E2F8: variants seen among roughly 807,000 people sequenced by gnomAD.
The protein encoded by E2F8 is E2F transcription factor 8.
A neutral mutation model predicts 80.8 loss-of-function variants in E2F8; 35 were observed. The ratio of observed to expected loss-of-function variants is 0.43; its 90% CI spans 0.33 to 0.57. The LOEUF (loss-of-function observed/expected upper bound fraction) is 0.57. Among genes scored for constraint, E2F8 ranks in the 20% least tolerant of loss-of-function variants. E2F8 has a pLI of 0.04. For missense variants in E2F8, 975 were observed against 1,056.2 expected (o/e 0.92, Z 1.07); for synonymous variants, 386 against 395.0 (o/e 0.98, Z 0.27).
At chr11:19,227,290 T>C (rs1203212376) in intron 10 of E2F8, among the ~76,000 whole-genome samples, 3 of 152,176 alleles carry the variant, frequency 2.0e-5, no homozygotes, top group African/African-American at 7.2e-5. Context: ...AAATCTCTAC[T>C]AGTAGGTGCC....
intron 7 of E2F8, among the ~76,000 whole-genome samples, chr11:19,231,514 T>C (rs527270214): frequency 9.8e-5 from 15 of 152,348 alleles, no homozygotes; most frequent in African/African-American, 3.4e-4. Context: ...AGTTTCCCTC[T>C]GTCTTCATGG....
chr11:19,232,643 C>T (rs1203767157), intron 6 of E2F8, among the ~76,000 whole-genome samples: 1 of 152,182 alleles, frequency 6.6e-6, no homozygotes, highest in Non-Finnish European at 1.5e-5. Context: ...TGAGATCACC[C>T]TATCTGAAAC....
At position 19,225,238 on chromosome 11, in the gene E2F8, C is replaced by T; in HGVS notation, c.2404G>A (p.Val802Met). The T allele has an allele frequency of 2.5e-6, 4 of 1,613,538 alleles. No homozygotes were observed. The highest frequency in any genetic ancestry group is 3.4e-6 in the Non-Finnish European group (4 of 1,179,986). ...CCTCTCACCTGTTGTGCCCCTGTCA[C>T]AGCAACTGATTGTCCATTTGGCTGG... ...QSQPNGQSVAVTGAQQPVPVT... is the reference protein window; with the variant it reads ...QSQPNGQSVAMTGAQQPVPVT... Residue 802 changes from valine to methionine, a missense_variant, in exon 12 of 13, where the codon GTG becomes ATG. Coordinates refer to ENST00000250024, the MANE Select transcript of E2F8 (RefSeq NM_024680.4).
In E2F8 at chr11:19,225,365, A is replaced by C. The variant is rs761775553; in HGVS notation, c.2277T>G (p.Val759=). Residue 759 remains valine (V), a synonymous_variant, in exon 12 of 13, where the codon GTT becomes GTG. Transcript: ENST00000250024. Reference sequence around the variant, plus strand: ...CAGACTCTATTCTTGGAGACACAGGAACGATTCCAGACCCAGGGCTGGCAG... The same window carrying C: ...CAGACTCTATTCTTGGAGACACAGGCACGATTCCAGACCCAGGGCTGGCAG... ...QLSASPGSGI[V]PVSPRIESVN... 1 of 1,614,122 alleles carries C rather than the reference A, an allele frequency of 6.2e-7. No individual in the cohort carries two copies. Among genetic ancestry groups the C allele is most frequent in the Non-Finnish European group, 8.5e-7 (1 of 1,180,022 alleles).
rs748168775 is a variant in E2F8 at position 19,238,011 on chromosome 11, G to A, written c.137C>T (p.Thr46Ile). The change falls in exon 3 of 13, where the codon ACC becomes ATC. Residue 46 changes from threonine to isoleucine, a missense_variant. Thr to Ile is a moderately conservative substitution (Grantham distance 89). Coordinates refer to ENST00000250024, the MANE Select transcript of E2F8 (RefSeq NM_024680.4). ...QPDFGPLTTP[T>I]KPKEGSQGEP... ...TCCCTGAGAGCCTTCCTTGGGCTTG[G>A]TAGGTGTGGTTAAAGGGCCAAAGTC... The A allele has an allele frequency of 1.9e-6, 3 of 1,614,190 alleles. No homozygotes were observed. Among genetic ancestry groups the A allele is most frequent in the Middle Eastern group, 1.6e-4 (1 of 6,062 alleles).
chr11:19,230,665 A>G lies in E2F8; in HGVS notation c.1236T>C (p.Asn412=), dbSNP rs1227771882. ...TCTTGATAGGGCTACTGGGCGCAGA[A>G]TTTATCTTTCTCCGATCACTTTCTA... The part of the protein sequence containing the change: ...KSIESDRRKI[N]SAPSSPIKTN... Residue 412 remains asparagine (N), a synonymous_variant, in exon 8 of 13, where the codon AAT becomes AAC. Transcript: ENST00000250024. The G allele has an allele frequency of 1.9e-6, 3 of 1,614,208 alleles. No individual in the cohort carries two copies. Among genetic ancestry groups the G allele is most frequent in the East Asian group, 2.2e-5 (1 of 44,878 alleles).
intron 7 of E2F8, 139 bp from the exon 8 acceptor site, chr11:19,230,973 C>A: frequency 1.4e-6 from 1 of 699,706 alleles, no homozygotes; most frequent in South Asian, 1.9e-5. Flanking sequence ...AAGGGCTTTA[C>A]AGAGAAAGCC....
At chr11:19,233,495 T>G (rs1326026006) in intron 6 of E2F8, among the ~76,000 whole-genome samples, 2 of 152,078 alleles carry the variant, frequency 1.3e-5, no homozygotes, top group Non-Finnish European at 2.9e-5. Context: ...TTCTAGTGTT[T>G]CCTTTTTTTT....
chr11:19,241,509 CT>C (rs1851666632), upstream of E2F8: 1 of 152,568 alleles, frequency 6.6e-6, no homozygotes, highest in Admixed American at 6.5e-5. The surrounding 1 kb of genome is among the most constrained non-coding windows in gnomAD (Gnocchi z 4.5). Flanking sequence ...GGCAGTCAGT[CT>C]TTCCGCAGCG....
intron 2 of E2F8, among the ~76,000 whole-genome samples, chr11:19,239,846 A>C (rs898657481): frequency 2.0e-5 from 3 of 151,218 alleles, no homozygotes; most frequent in Admixed American, 6.6e-5. Context: ...GGAATTCAGA[A>C]AGGGCATTTG....
At chr11:19,235,681 A>G (rs1279853114) in intron 4 of E2F8, among the ~76,000 whole-genome samples, 1 of 151,534 alleles carries the variant, frequency 6.6e-6, no homozygotes, top group Non-Finnish European at 1.5e-5. Flanking sequence ...AAAAAAAACG[A>G]TGAGAAAACA....
At chr11:19,230,123 A>T (rs1851338363) in intron 9 of E2F8, 118 bp downstream of exon 9, 3 of 1,484,486 alleles carry the variant, frequency 2.0e-6, no homozygotes, top group African/African-American at 2.8e-5. Context: ...AGTATGAGAT[A>T]CAGAAAAGAT....
intron 4 of E2F8, among the ~76,000 whole-genome samples, chr11:19,235,978 ACT>A (rs1235486715): frequency 3.3e-5 from 5 of 152,120 alleles, no homozygotes; most frequent in Admixed American, 6.5e-5. Context: ...TAATTCTGTG[ACT>A]CTATCTATTT....
chr11:19,231,647 T>C (rs1851386490), intron 7 of E2F8, among the ~76,000 whole-genome samples: 1 of 152,218 alleles, frequency 6.6e-6, no homozygotes, highest in Admixed American at 6.5e-5. Flanking sequence ...TGAACTCATT[T>C]CATATTCTCA....
At chr11:19,234,258 T>C in intron 6 of E2F8, 102 bp downstream of exon 6, 2 of 1,287,736 alleles carry the variant, frequency 1.6e-6, no homozygotes, top group Non-Finnish European at 2.1e-6. Context: ...TTAGAGAAGA[T>C]CTGTTTATGC....
upstream of E2F8, among the ~76,000 whole-genome samples, chr11:19,241,212 C>A (rs1190903296): frequency 6.6e-6 from 1 of 152,182 alleles, no homozygotes; most frequent in African/African-American, 2.4e-5. This position sits in a 1 kb window ranked among gnomAD's most constrained non-coding sequence, Gnocchi z 4.5. Flanking sequence ...GGCAAACCCG[C>A]GCCCGGAACC....
intron 4 of E2F8, 101 bp downstream of exon 4, chr11:19,237,213 T>A (rs1309295455): frequency 2.3e-5 from 26 of 1,141,238 alleles, no homozygotes; most frequent in Non-Finnish European, 3.3e-5. Flanking sequence ...CTTATTTGTG[T>A]CATTTACAAA....
intron 2 of E2F8, among the ~76,000 whole-genome samples, chr11:19,239,256 C>T (rs1315658351): frequency 6.6e-6 from 1 of 152,126 alleles, no homozygotes; most frequent in Non-Finnish European, 1.5e-5. Context: ...GAGTGGAACA[C>T]AGATATTTTC....
chr11:19,240,231 C>T lies in E2F8; in HGVS notation c.-109-1G>A. On this transcript the variant is annotated splice_acceptor_variant, in intron 1 of 12. Coordinates refer to ENST00000250024, the MANE Select transcript of E2F8 (RefSeq NM_024680.4). LOFTEE classifies it low-confidence loss of function (5UTR_SPLICE). ...CAATTGTACTAAAAGTTTTAATATC[C>T]TTAAAGAAAAAAGGAAATAGAAAAA... is the stretch of plus-strand genomic sequence containing the variant. 1 of 619,212 alleles carries T rather than the reference C, an allele frequency of 1.6e-6. No individual in the cohort carries two copies. The highest frequency in any genetic ancestry group is 1.9e-5 in the African/African-American group (1 of 53,082). The allele number at this position is 619,212 out of a possible 1,614,324, so 38.4% of individuals were successfully genotyped here.
Sources: allele counts gnomAD v4.1 joint callset (sites outside exome capture counted in the v4.1 genomes callset), GRCh38; gene constraint gnomAD v4.1.1; non-coding constraint Gnocchi (gnomAD v3.1); transcripts MANE v1.5; gene names NCBI Gene and HGNC (gene_info 2026-07-23, HGNC 2026-07-21).